TMEM9B: variants seen among roughly 807,000 people sequenced by gnomAD.
TMEM9B encodes TMEM9 domain family member B, also known as transmembrane protein 9B.
TMEM9B carries 8 observed loss-of-function variants against 23.5 expected under a neutral mutation model. The observed-to-expected ratio is 0.34, with a 90% CI of 0.20 to 0.61. The LOEUF is 0.61. TMEM9B is among the 20% of genes least tolerant of loss of function. The pLI is 0.78. For missense variants in TMEM9B, 197 were observed against 252.3 expected, an observed-to-expected ratio of 0.78 and a Z score of 1.49; for synonymous variants, 106 against 96.3, an observed-to-expected ratio of 1.10 and a Z score of -0.59.
intron 1 of TMEM9B, chr11:8,962,815 A>G (rs1854105072): frequency 6.6e-6 from 1 of 152,388 alleles, no homozygotes; most frequent in Admixed American, 6.5e-5. Context: ...TACCAACAAA[A>G]CAAGTTTCAA....
intron 3 of TMEM9B, among the ~76,000 whole-genome samples, chr11:8,954,699 A>G (rs1205689465): frequency 6.6e-6 from 1 of 152,256 alleles, no homozygotes; most frequent in Non-Finnish European, 1.5e-5. Flanking sequence ...AATCTGTTAA[A>G]TAATAGTACA....
intron 4 of TMEM9B, among the ~76,000 whole-genome samples, chr11:8,951,264 A>G (rs1853869898): frequency 6.6e-6 from 1 of 152,248 alleles, no homozygotes; most frequent in African/African-American, 2.4e-5. Context: ...TTCAACGTCT[A>G]TGCCTATAGA....
chr11:8,964,136 G>C, intron 1 of TMEM9B, 73 bp downstream of exon 1: 21 of 1,447,100 alleles, frequency 1.5e-5, no homozygotes, highest in Non-Finnish European at 2.0e-5. Flanking sequence ...GGAGCAGGTT[G>C]GCAGACCCAG....
Position 8,956,172 on chromosome 11 carries a change from G to C in TMEM9B, c.306+18C>G. The C allele has an allele frequency of 1.2e-6, 2 of 1,602,586 alleles. No homozygotes were observed. The highest frequency in any genetic ancestry group is 1.3e-5 in the African/African-American group (1 of 74,840). On this transcript the variant is annotated intron_variant, in intron 3 of 4. Transcript: ENST00000534025. ...AGACAGACAGACAGACAGGTAGATAGAGGGATATATATTTTACCTTGATTG... is the reference window on the plus strand; with the variant it reads ...AGACAGACAGACAGACAGGTAGATACAGGGATATATATTTTACCTTGATTG...
intron 3 of TMEM9B, among the ~76,000 whole-genome samples, chr11:8,954,893 C>G (rs1383838717): frequency 6.6e-6 from 1 of 152,024 alleles, no homozygotes; most frequent in Non-Finnish European, 1.5e-5. Context: ...TGGCTCACAC[C>G]TGCAATCCCA....
intron 3 of TMEM9B, among the ~76,000 whole-genome samples, chr11:8,955,510 G>T (rs898983577): frequency 1.3e-5 from 2 of 151,616 alleles, no homozygotes; most frequent in African/African-American, 4.8e-5. Flanking sequence ...GGGGGTGATG[G>T]GAGTCAGTGA....
intron 2 of TMEM9B, among the ~76,000 whole-genome samples, chr11:8,961,737 C>T (rs2116510): frequency 0.59 from 90,223 of 152,038 alleles, 27,156 homozygotes; most frequent in East Asian, 0.77. Context: ...ATAACCCAGA[C>T]AAACGAGGCT....
chr11:8,956,904 G>A (rs1853984857), intron 2 of TMEM9B, among the ~76,000 whole-genome samples: 1 of 152,124 alleles, frequency 6.6e-6, no homozygotes, highest in Non-Finnish European at 1.5e-5. Flanking sequence ...ATTTGTTGTA[G>A]AGATCAGGTC....
chr11:8,954,760 C>T (rs1853943215), intron 3 of TMEM9B, among the ~76,000 whole-genome samples: 1 of 152,146 alleles, frequency 6.6e-6, no homozygotes, highest in African/African-American at 2.4e-5. Flanking sequence ...AGCTCTTCCA[C>T]AGGGTCAATC....
In TMEM9B at chr11:8,948,123, C is replaced by A; in HGVS notation, c.*197G>T. 1.8e-6 allele frequency: 1 copy of A among 553,438 alleles called. No homozygotes were observed. The highest frequency in any genetic ancestry group is 1.9e-5 in the African/African-American group (1 of 53,022). The allele number at this position is 553,438 out of a possible 1,614,324, so 34.3% of individuals were successfully genotyped here. A position where few individuals can be genotyped will look rare whatever the true frequency, so the allele number is the denominator to read the frequency against. ...AAAAGACTTATTGGCTGACTTTGAG[C>A]TGTGTGCTTTTAAAAATGTCTCTAT... On this transcript the variant is annotated 3_prime_UTR_variant, in exon 5 of 5. Coordinates refer to ENST00000534025, the MANE Select transcript of TMEM9B (RefSeq NM_020644.3).
upstream of TMEM9B, chr11:8,964,545 C>A: frequency 7.9e-7 from 1 of 1,267,880 alleles, no homozygotes; most frequent in Non-Finnish European, 1.0e-6. Context: ...AGTCCTGGTG[C>A]CCGCCTTGGC....
At chr11:8,949,173 T>C (rs1274213646) in intron 4 of TMEM9B, among the ~76,000 whole-genome samples, 2 of 152,224 alleles carry the variant, frequency 1.3e-5, no homozygotes, top group Non-Finnish European at 2.9e-5. Flanking sequence ...GAATCTTCCA[T>C]TGTTAAGCAC....
chr11:8,953,261 A>G lies in TMEM9B; in HGVS notation c.383T>C (p.Ile128Thr). The G allele has an allele frequency of 1.2e-6, 2 of 1,614,170 alleles. No homozygotes were observed. The highest frequency in any genetic ancestry group is 1.7e-5 in the Admixed American group (1 of 60,028). The change falls in exon 4 of 5, where the codon ATA (isoleucine) becomes ACA (threonine). Residue 128 changes from isoleucine to threonine, a missense_variant. By Grantham distance (89) the Ile-to-Thr change is moderately conservative (BLOSUM62 -1). Transcript: ENST00000534025. ...YMVYLTLVEPILKRRLFGHAQ... is the reference protein window; with the variant it reads ...YMVYLTLVEPTLKRRLFGHAQ... ...ATGTCCAAAGAGGCGCCTCTTCAGTATGGGCTCAACCAGAGTAAGATATAC... is the reference window on the plus strand; with the variant it reads ...ATGTCCAAAGAGGCGCCTCTTCAGTGTGGGCTCAACCAGAGTAAGATATAC...
At chr11:8,958,099 C>T (rs1385231548) in intron 2 of TMEM9B, among the ~76,000 whole-genome samples, 14 of 125,982 alleles carry the variant, frequency 1.1e-4, no homozygotes, top group African/African-American at 3.0e-4. Flanking sequence ...GTGGAGGTTA[C>T]GGTCAGCCGA....
rs1854145188 is a variant in TMEM9B at position 8,964,257 on chromosome 11, G to A, written c.57C>T (p.Cys19=). The change falls in exon 1 of 5, where the codon TGC becomes TGT. Residue 19 remains cysteine (C), a synonymous_variant. Transcript: ENST00000534025. ...CCAGCAGCAGCACGGAAAGCGCCAG[G>A]CACGACAGGCTGAGCAAGGAGCCAA... ...LRLGSLLSLS[C]LALSVLLLAQ... 6.3e-7 allele frequency: 1 copy of A among 1,597,166 alleles called. No homozygotes were observed. The highest frequency in any genetic ancestry group is 8.5e-7 in the Non-Finnish European group (1 of 1,172,764).
rs893863665 is a variant in TMEM9B, at chr11:8,957,878, C to T, written c.198-1580G>A. 1.3e-5 allele frequency among the ~76,000 whole-genome samples: 2 copies of T among 152,092 alleles called. No individual in the cohort carries two copies. Among genetic ancestry groups the T allele is most frequent in the Non-Finnish European group, 2.9e-5 (2 of 68,022 alleles). ...GTGTCAATTAAAAATTAATTTCAGCCGGGCGCAGTGGCTCATGCCTGTAAT... is the reference window on the plus strand; with the variant it reads ...GTGTCAATTAAAAATTAATTTCAGCTGGGCGCAGTGGCTCATGCCTGTAAT... On this transcript the variant is annotated intron_variant, in intron 2 of 4. Coordinates refer to ENST00000534025, the MANE Select transcript of TMEM9B (RefSeq NM_020644.3). This position sits in a 1 kb window ranked among gnomAD's most constrained non-coding sequence, Gnocchi z 4.3.
chr11:8,956,728 T>C (rs1184994616), intron 2 of TMEM9B, among the ~76,000 whole-genome samples: 1 of 152,212 alleles, frequency 6.6e-6, no homozygotes, highest in African/African-American at 2.4e-5. Context: ...TTTTTGTTGT[T>C]GTTTTTTAAG....
chr11:8,961,420 A>C (rs781180470), intron 2 of TMEM9B, among the ~76,000 whole-genome samples: 3 of 152,258 alleles, frequency 2.0e-5, no homozygotes, highest in Non-Finnish European at 4.4e-5. Flanking sequence ...ATCCTGCTGT[A>C]ATACAACTGC....
At chr11:8,963,798 G>C (rs1440896566) in intron 1 of TMEM9B, among the ~76,000 whole-genome samples, 1 of 152,128 alleles carries the variant, frequency 6.6e-6, no homozygotes, top group Non-Finnish European at 1.5e-5. Context: ...TTCTGGCTTG[G>C]GGCATGCGGG....
Sources: gnomAD v4.1 joint callset for allele counts (sites outside exome capture counted in the v4.1 genomes callset) on GRCh38, gnomAD v4.1.1 for gene constraint, Gnocchi (gnomAD v3.1) non-coding constraint, MANE v1.5 for transcripts, NCBI Gene and HGNC (gene_info 2026-07-23, HGNC 2026-07-21) for gene names.